Variants in NSF observed in about 807,000 individuals in gnomAD.
NSF encodes N-ethylmaleimide sensitive factor, vesicle fusing ATPase, also known as vesicle-fusing ATPase.
Under a neutral mutation model 50.3 loss-of-function variants are expected in NSF, and 14 were observed. The ratio of observed to expected loss-of-function variants is 0.28; its 90% CI spans 0.18 to 0.44. NSF has a LOEUF of 0.44. Ranked by LOEUF, NSF falls within the 20% of genes least tolerant of loss-of-function variation. The pLI is 1.00. For missense variants in NSF, 218 were observed against 504.3 expected (o/e 0.43, Z 5.44); for synonymous variants, 109 against 175.7 (o/e 0.62, Z 3.00).
chr17:46,747,828 A>G (rs1468956577), intron 17 of NSF, among the ~76,000 whole-genome samples: 1 of 152,190 alleles, frequency 6.6e-6, no homozygotes, highest in East Asian at 1.9e-4. Flanking sequence ...TACAGAGAAA[A>G]TGAATGGGAG....
At chr17:46,723,867 T>G (rs1215497322) in intron 15 of NSF, among the ~76,000 whole-genome samples, 1 of 152,216 alleles carries the variant, frequency 6.6e-6, no homozygotes, top group Non-Finnish European at 1.5e-5. Flanking sequence ...AGGAAAATGT[T>G]TCTAAAACAT....
chr17:46,749,918 G>C lies in NSF; in HGVS notation c.2043+11G>C. The C allele has an allele frequency of 6.2e-7, 1 of 1,613,364 alleles. No individual in the cohort carries two copies. The highest frequency in any genetic ancestry group is 8.5e-7 in the Non-Finnish European group (1 of 1,179,666). The stretch of plus-strand genomic sequence containing the variant: ...TTGGAAGCTTTGGAGGTAAAAATGA[G>C]TCAATGGATTGCACACTGTTTATAA... On this transcript the variant is annotated intron_variant, in intron 18 of 20. Transcript: ENST00000398238.
chr17:46,751,393 T>G, intron 18 of NSF, 110 bp from the exon 19 acceptor site: 1 of 762,092 alleles, frequency 1.3e-6, no homozygotes, highest in Non-Finnish European at 2.2e-6. Flanking sequence ...TTCTATCAAC[T>G]TGAACAGTTA....
At chr17:46,714,082 A>G (rs886169268) in intron 15 of NSF, 96 bp downstream of exon 15, 6 of 1,286,134 alleles carry the variant, frequency 4.7e-6, no homozygotes, top group Middle Eastern at 2.7e-4. Flanking sequence ...ATATAAACCC[A>G]TAGCAACTAT....
At chr17:46,722,092 C>T in intron 15 of NSF, 1 of 1,611,250 alleles carries the variant, frequency 6.2e-7, no homozygotes, top group Non-Finnish European at 8.5e-7. Context: ...CCAGAAGAGC[C>T]TGGGAGATGG....
At chr17:46,741,714 C>T (rs1378886092) in intron 17 of NSF, among the ~76,000 whole-genome samples, 2 of 152,192 alleles carry the variant, frequency 1.3e-5, no homozygotes, top group Non-Finnish European at 2.9e-5. Context: ...GATCTTTTCC[C>T]TTGGTTTGGG....
chr17:46,743,066 G>A (rs1407005896), intron 17 of NSF, among the ~76,000 whole-genome samples: 2 of 152,066 alleles, frequency 1.3e-5, no homozygotes, highest in African/African-American at 4.8e-5. Context: ...CTCTCTGTGA[G>A]TCACCCCACT....
chr17:46,741,181 C>G (rs922040719), intron 17 of NSF, among the ~76,000 whole-genome samples: 4 of 152,150 alleles, frequency 2.6e-5, no homozygotes, highest in African/African-American at 9.7e-5. Flanking sequence ...ATCACTTTAC[C>G]TCTCACCCCA....
intron 17 of NSF, among the ~76,000 whole-genome samples, chr17:46,737,881 G>A (rs1015576805): frequency 6.6e-6 from 1 of 151,558 alleles, no homozygotes; most frequent in Admixed American, 6.6e-5. Context: ...GAGAGAAGGT[G>A]AAGGATTTAT....
Position 46,757,199 on chromosome 17 carries a change from T to C in NSF, c.*1376T>C, listed in dbSNP as rs2059242501. 2 of 152,244 alleles carry C rather than the reference T, an allele frequency of 1.3e-5. No homozygotes were observed. The highest frequency in any genetic ancestry group is 4.8e-5 in the African/African-American group (2 of 41,450). 9.4% of individuals were successfully genotyped at this position (152,244 alleles called of 1,614,324 possible). A position where few individuals can be genotyped will look rare whatever the true frequency, so the allele number is the denominator to read the frequency against. ...GTGGAGACTTGGATGTCATATCTTC[T>C]TTGTTTTGGGTTTTCTTCCCTAGCT... On this transcript the variant is annotated 3_prime_UTR_variant, in exon 21 of 21. Coordinates refer to ENST00000398238, the MANE Select transcript of NSF (RefSeq NM_006178.4).
At chr17:46,733,993 T>C (rs1313886695) in intron 17 of NSF, among the ~76,000 whole-genome samples, 4 of 152,202 alleles carry the variant, frequency 2.6e-5, no homozygotes, top group African/African-American at 9.7e-5. Flanking sequence ...ATTCTCAGGA[T>C]GGGGACTTGG....
intron 15 of NSF, among the ~76,000 whole-genome samples, chr17:46,724,353 TCAGA>T (rs1387950870): frequency 1.3e-5 from 2 of 152,224 alleles, no homozygotes; most frequent in African/African-American, 4.8e-5. Context: ...CCGTCATGGC[TCAGA>T]CAGTGAGTTC....
intron 18 of NSF, 103 bp from the exon 19 acceptor site, chr17:46,751,400 G>T (rs1316246342): frequency 2.5e-6 from 2 of 802,946 alleles, no homozygotes; most frequent in African/African-American, 1.7e-5. Flanking sequence ...AACTTGAACA[G>T]TTAGGTAGTT....
intron 17 of NSF, among the ~76,000 whole-genome samples, chr17:46,730,876 C>A (rs2058941889): frequency 6.6e-6 from 1 of 152,132 alleles, no homozygotes; most frequent in African/African-American, 2.4e-5. Context: ...TCATTGCATA[C>A]CTGCTAGAAT....
chr17:46,753,235 A>C (rs1441276673), intron 19 of NSF, among the ~76,000 whole-genome samples: 1 of 152,220 alleles, frequency 6.6e-6, no homozygotes, highest in African/African-American at 2.4e-5. Context: ...ATGGTCCTGC[A>C]TTCTGCTAGT....
intron 19 of NSF, among the ~76,000 whole-genome samples, chr17:46,754,284 A>G (rs777073778): frequency 1.1e-4 from 16 of 151,060 alleles, no homozygotes; most frequent in Admixed American, 2.0e-4. Context: ...TACCTTTGAT[A>G]CATTTGAAAC....
At chr17:46,609,856 C>G (rs1326910756) in intron 1 of NSF, among the ~76,000 whole-genome samples, 1 of 132,128 alleles carries the variant, frequency 7.6e-6, no homozygotes, top group Non-Finnish European at 1.6e-5. Flanking sequence ...GATAGGGTAT[C>G]ACTTTGTCAC....
chr17:46,631,082 A>ACACACACACACACACACACACACG (rs1555668591), intron 4 of NSF, among the ~76,000 whole-genome samples: 619 of 140,832 alleles, frequency 4.4e-3, no homozygotes, highest in East Asian at 0.018. Flanking sequence ...ACACACACAC[A>ACACACACACACACACACACACACG]CACACACACA....
chr17:46,598,929 T>C (rs1314439219), intron 1 of NSF, among the ~76,000 whole-genome samples: 2 of 141,592 alleles, frequency 1.4e-5, no homozygotes, highest in African/African-American at 2.7e-5. Context: ...GCAGTAGTTA[T>C]TAGTTTTGTG....
Sources: gnomAD v4.1 joint callset for allele counts (sites outside exome capture counted in the v4.1 genomes callset) on GRCh38, gnomAD v4.1.1 for gene constraint, MANE v1.5 for transcripts, NCBI Gene and HGNC (gene_info 2026-07-23, HGNC 2026-07-21) for gene names.